SLC26A8: variants seen among roughly 807,000 people sequenced by gnomAD.
SLC26A8 encodes the protein solute carrier family 26 member 8.
In SLC26A8, 70 loss-of-function variants were observed where a neutral mutation model predicts 105.0. The observed-to-expected ratio is 0.67, with a 90% CI of 0.55 to 0.81. SLC26A8 has a LOEUF of 0.81. SLC26A8 is among the 40% of genes least tolerant of loss of function. The pLI, the probability that SLC26A8 is intolerant of heterozygous loss-of-function variation, is 0.00. For missense variants in SLC26A8, 998 were observed against 1,181.8 expected, an observed-to-expected ratio of 0.84 and a Z score of 2.28; for synonymous variants, 415 against 438.3, an observed-to-expected ratio of 0.95 and a Z score of 0.66.
intron 19 of SLC26A8, among the ~76,000 whole-genome samples, chr6:35,947,908 G>A (rs1771730869): frequency 6.6e-6 from 1 of 152,160 alleles, no homozygotes; most frequent in African/African-American, 2.4e-5. Context: ...TTCAGCCTGG[G>A]TGACAGAGTG....
In SLC26A8 at chr6:35,985,996, T is replaced by G. The variant is rs558025265; in HGVS notation, c.943-3793A>C. The stretch of plus-strand genomic sequence containing the variant: ...TTGTGGCATGGCTGAATCGAGCTAT[T>G]AATAGATGCATTACTTCACATATAC... On this transcript the variant is annotated intron_variant, in intron 7 of 19. Transcript: ENST00000490799. 1.8e-4 allele frequency among the ~76,000 whole-genome samples: 27 copies of G among 149,402 alleles called. No individual in the cohort carries two copies. The South Asian group carries it at 5.4e-3, about 30-fold the overall frequency.
intron 7 of SLC26A8, among the ~76,000 whole-genome samples, chr6:35,990,917 C>T (rs1535428): frequency 0.55 from 83,243 of 151,876 alleles, 23,294 homozygotes; most frequent in South Asian, 0.71. Flanking sequence ...AAACCTTATC[C>T]TTGAAATCTT....
intron 7 of SLC26A8, chr6:35,989,693 C>A (rs182310811): frequency 6.6e-6 from 1 of 152,080 alleles, no homozygotes; most frequent in Admixed American, 6.6e-5. Flanking sequence ...ACCTTAACAT[C>A]GGAGCATAAC....
chr6:35,985,147 TC>T (rs1773444469), intron 7 of SLC26A8, among the ~76,000 whole-genome samples: 1 of 152,104 alleles, frequency 6.6e-6, no homozygotes, highest in Non-Finnish European at 1.5e-5. Flanking sequence ...CCCCACCCCT[TC>T]AATTTGTCCC....
At chr6:35,989,464 T>A (rs1773664661) in intron 7 of SLC26A8, 1 of 152,222 alleles carries the variant, frequency 6.6e-6, no homozygotes, top group African/African-American at 2.4e-5. Flanking sequence ...TGAAAAGTAC[T>A]CTCTTGTAGG....
chr6:35,970,328 A>G (rs1169602254), intron 10 of SLC26A8, among the ~76,000 whole-genome samples: 2 of 152,226 alleles, frequency 1.3e-5, no homozygotes, highest in Non-Finnish European at 2.9e-5. Context: ...TAGCAATGCA[A>G]TCAACGTCCT....
intron 3 of SLC26A8, among the ~76,000 whole-genome samples, chr6:36,009,154 C>G (rs1349774650): frequency 6.6e-6 from 1 of 152,142 alleles, no homozygotes; most frequent in Non-Finnish European, 1.5e-5. Context: ...GAGTTTATGA[C>G]CAGCCTGGCC....
chr6:36,021,748 A>G (rs1277090498), intron 1 of SLC26A8, among the ~76,000 whole-genome samples: 1 of 152,094 alleles, frequency 6.6e-6, no homozygotes, highest in Non-Finnish European at 1.5e-5. Flanking sequence ...ATTACTTTAC[A>G]TATGTTTACG....
chr6:35,974,351 G>C (rs192464420), intron 10 of SLC26A8, among the ~76,000 whole-genome samples: 1 of 152,050 alleles, frequency 6.6e-6, no homozygotes, highest in Admixed American at 6.6e-5. Context: ...CAAAACTCAT[G>C]AACATTAGAC....
intron 19 of SLC26A8, among the ~76,000 whole-genome samples, chr6:35,946,551 A>G (rs1771683447): frequency 6.6e-6 from 1 of 152,146 alleles, no homozygotes; most frequent in Non-Finnish European, 1.5e-5. Context: ...TTTGAATTCA[A>G]TACACATGAA....
intron 8 of SLC26A8, among the ~76,000 whole-genome samples, chr6:35,977,983 G>A (rs1581655326): frequency 6.6e-6 from 1 of 151,886 alleles, no homozygotes; most frequent in East Asian, 1.9e-4. Context: ...CTACTCTGGA[G>A]GCTGAGGCAT....
At chr6:36,017,191 A>G (rs1340670337) in intron 2 of SLC26A8, among the ~76,000 whole-genome samples, 7 of 62,926 alleles carry the variant, frequency 1.1e-4, no homozygotes, top group Non-Finnish European at 2.5e-4. Context: ...AGAAGGAAAG[A>G]AGAATGGAAG....
At chr6:36,012,192 A>G (rs1041274484) in intron 3 of SLC26A8, 41 bp downstream of exon 3, 17 of 1,602,144 alleles carry the variant, frequency 1.1e-5, no homozygotes, top group Non-Finnish European at 1.4e-5. Flanking sequence ...ACAAGGTCTG[A>G]TACATTGTCT....
chr6:36,023,712 CA>C (rs1762185849), intron 1 of SLC26A8, among the ~76,000 whole-genome samples: 1 of 152,104 alleles, frequency 6.6e-6, no homozygotes, highest in African/African-American at 2.4e-5. Context: ...CACGGAAAGG[CA>C]AAATTTACTT....
intron 10 of SLC26A8, chr6:35,969,254 A>C: frequency 3.3e-6 from 1 of 303,716 alleles, no homozygotes; most frequent in East Asian, 7.7e-5. Flanking sequence ...AATTCTCCTA[A>C]AATCTGATTT....
Position 35,949,891 on chromosome 6 carries a change from T to G in SLC26A8, c.2472+1272A>C, listed in dbSNP as rs1194528535. ...CGCGATCTCGGCTCACTGCAACCTCTGCCTCCTGGGTTCAAGCGATTCTCC... is the reference window on the plus strand; with the variant it reads ...CGCGATCTCGGCTCACTGCAACCTCGGCCTCCTGGGTTCAAGCGATTCTCC... On this transcript the variant is annotated intron_variant, in intron 19 of 19. Coordinates refer to ENST00000490799, the MANE Select transcript of SLC26A8 (RefSeq NM_052961.4). Among the ~76,000 whole-genome samples the G allele has an allele frequency of 2.0e-5, 3 of 152,056 alleles. No individual in the cohort carries two copies. In the East Asian group the frequency reaches 5.8e-4, roughly 29 times the overall value.
chr6:35,995,131 T>A lies in SLC26A8; in HGVS notation c.628-2457A>T, dbSNP rs778563604. On this transcript the variant is annotated intron_variant, in intron 5 of 19. Transcript: ENST00000490799. ...ATACCTAGCTCAGATGTGAAAATAG[T>A]GACAAATATGTATCACTCATATATG... Among the ~76,000 whole-genome samples the A allele has an allele frequency of 6.6e-5, 10 of 152,358 alleles. No individual in the cohort carries two copies. The South Asian group carries it at 8.3e-4, about 13-fold the overall frequency.
At chr6:35,968,603 G>GAA (rs1772619467) in intron 11 of SLC26A8, among the ~76,000 whole-genome samples, 5 of 52,394 alleles carry the variant, frequency 9.5e-5, no homozygotes, top group Admixed American at 2.4e-4. Context: ...GTGTGTGTGT[G>GAA]TGTGTGTATA....
At chr6:35,979,783 G>T (rs961390996) in intron 8 of SLC26A8, among the ~76,000 whole-genome samples, 1 of 152,028 alleles carries the variant, frequency 6.6e-6, no homozygotes, top group African/African-American at 2.4e-5. Context: ...GGTTAAAAGG[G>T]GACATGGACA....
Sources: gnomAD v4.1 joint callset for allele counts (sites outside exome capture counted in the v4.1 genomes callset) on GRCh38, gnomAD v4.1.1 for gene constraint, MANE v1.5 for transcripts, NCBI Gene and HGNC (gene_info 2026-07-23, HGNC 2026-07-21) for gene names.